NIT2: variants seen among roughly 807,000 people sequenced by gnomAD.
The protein encoded by NIT2 is omega-amidase NIT2.
NIT2 carries 46 observed loss-of-function variants against 42.7 expected under a neutral mutation model. That is an observed-to-expected ratio of 1.08 (90% CI 0.85 to 1.38). The LOEUF (loss-of-function observed/expected upper bound fraction) is 1.38. NIT2 is among the 40% of genes most tolerant of loss of function. The probability of loss-of-function intolerance (pLI) is 0.00; values close to 1 mark genes in which losing one functional copy is unlikely to be tolerated. For synonymous variants in NIT2, 123 were observed against 121.9 expected (o/e 1.01, Z -0.06); for missense variants, 309 against 342.5 (o/e 0.90, Z 0.77).
chr3:100,345,152 T>G (rs1706201116), intron 4 of NIT2, among the ~76,000 whole-genome samples: 1 of 151,864 alleles, frequency 6.6e-6, no homozygotes, highest in Non-Finnish European at 1.5e-5. Context: ...AGAGACAAGG[T>G]TTCACTACTT....
chr3:100,343,386 G>A (rs1392243085), intron 4 of NIT2, among the ~76,000 whole-genome samples: 2 of 151,450 alleles, frequency 1.3e-5, no homozygotes, highest in African/African-American at 4.8e-5. Context: ...TTCTGTTTTT[G>A]TCTTTCCAAT....
intron 6 of NIT2, among the ~76,000 whole-genome samples, chr3:100,347,925 CTG>C (rs1179769084): frequency 6.6e-6 from 1 of 151,740 alleles, no homozygotes; most frequent in Non-Finnish European, 1.5e-5. Flanking sequence ...GAGTCTCAAT[CTG>C]TTGCCCAGGC....
chr3:100,341,042 T>C, intron 3 of NIT2, 31 bp from the exon 4 acceptor site: 1 of 1,464,430 alleles, frequency 6.8e-7, no homozygotes, highest in Non-Finnish European at 9.6e-7. Flanking sequence ...CTATTCTTTT[T>C]CTTATGGTAT....
chr3:100,346,303 T>C, intron 6 of NIT2, 48 bp downstream of exon 6: 1 of 1,530,150 alleles, frequency 6.5e-7, no homozygotes, highest in Middle Eastern at 1.7e-4. Flanking sequence ...GAGGCTTGGT[T>C]CTAGGCTGGT....
At chr3:100,340,087 T>C (rs1706131797) in intron 3 of NIT2, 152 bp downstream of exon 3, 2 of 608,020 alleles carry the variant, frequency 3.3e-6, no homozygotes, top group Non-Finnish European at 2.7e-6. Flanking sequence ...TTTATTTTTT[T>C]TGAGGTGAGG....
At chr3:100,355,138 T>G (rs2148885423) in intron 9 of NIT2, 39 bp from the exon 10 acceptor site, 1 of 1,471,314 alleles carries the variant, frequency 6.8e-7, no homozygotes, top group South Asian at 1.1e-5. Context: ...TAGTGAGGAG[T>G]TGCAAATTAT....
intron 4 of NIT2, among the ~76,000 whole-genome samples, chr3:100,342,543 C>T (rs1706168199): frequency 6.8e-6 from 1 of 147,188 alleles, no homozygotes; most frequent in African/African-American, 2.5e-5. Context: ...CCAGTTGTTG[C>T]CCTGGGAATT....
intron 1 of NIT2, among the ~76,000 whole-genome samples, chr3:100,335,650 G>C (rs149998809): frequency 6.6e-6 from 1 of 152,346 alleles, no homozygotes; most frequent in African/African-American, 2.4e-5. Flanking sequence ...TTGTGGGTGA[G>C]ATGTGTAGGA....
At chr3:100,341,655 A>G (rs1706155861) in intron 4 of NIT2, among the ~76,000 whole-genome samples, 1 of 151,566 alleles carries the variant, frequency 6.6e-6, no homozygotes, top group Non-Finnish European at 1.5e-5. Flanking sequence ...GGCATGAGCC[A>G]CCGTGCCCAG....
At chr3:100,345,863 T>C (rs112091358) in intron 5 of NIT2, 185 bp downstream of exon 5, 21 of 608,726 alleles carry the variant, frequency 3.4e-5, no homozygotes, top group African/African-American at 2.0e-4. Flanking sequence ...TTTGACACGA[T>C]TTTGCCCTTT....
At chr3:100,346,928 G>A (rs1376785014) in intron 6 of NIT2, among the ~76,000 whole-genome samples, 1 of 151,936 alleles carries the variant, frequency 6.6e-6, no homozygotes, top group Non-Finnish European at 1.5e-5. Context: ...TCAGAAGGTG[G>A]AGGTGCATGG....
chr3:100,339,739 C>G (rs1444822362), intron 2 of NIT2, 76 bp from the exon 3 acceptor site: 1 of 1,430,156 alleles, frequency 7.0e-7, no homozygotes, highest in Non-Finnish European at 9.6e-7. Flanking sequence ...GAAGCAGCAG[C>G]TATGGCCTCT....
rs1421509083 is a variant in NIT2 at position 100,358,510 on chromosome 3, C to T, written c.*3242C>T. On this transcript the variant is annotated 3_prime_UTR_variant, in exon 10 of 10. Coordinates refer to ENST00000394140, the MANE Select transcript of NIT2 (RefSeq NM_020202.5). ...GGTAAGGCAACACATTTAATGAATTCACATTTAAGTGAATTCCTCACAGGG... is the reference window on the plus strand; with the variant it reads ...GGTAAGGCAACACATTTAATGAATTTACATTTAAGTGAATTCCTCACAGGG... 2 of 152,208 alleles carry T rather than the reference C, an allele frequency of 1.3e-5. No individual in the cohort carries two copies. Among genetic ancestry groups the T allele is most frequent in the African/African-American group, 4.8e-5 (2 of 41,450 alleles). 9.4% of individuals were successfully genotyped at this position (152,208 alleles called of 1,614,324 possible).
intron 1 of NIT2, among the ~76,000 whole-genome samples, chr3:100,337,929 G>A (rs537377918): frequency 2.6e-4 from 40 of 152,228 alleles, no homozygotes; most frequent in African/African-American, 8.9e-4. Flanking sequence ...AAATTAGCCC[G>A]GCATGGTGGT....
intron 4 of NIT2, 63 bp downstream of exon 4, chr3:100,341,224 A>T (rs1706146925): frequency 1.6e-6 from 2 of 1,252,382 alleles, no homozygotes; most frequent in Non-Finnish European, 1.2e-6. Context: ...TGTGGAAAAA[A>T]AATTTGCTAT....
At position 100,356,818 on chromosome 3, in the gene NIT2, T is replaced by A. The variant is rs1048558446; in HGVS notation, c.*1550T>A. On this transcript the variant is annotated 3_prime_UTR_variant, in exon 10 of 10. Transcript: ENST00000394140. ...CTTTGTCAATCACTGATAAATTTTA[T>A]TACTATAGATTAGCTTGCATTTTCT... 2.6e-5 allele frequency: 4 copies of A among 152,210 alleles called. No individual in the cohort carries two copies. Among genetic ancestry groups the A allele is most frequent in the Non-Finnish European group, 5.9e-5 (4 of 68,030 alleles). 9.4% of individuals were successfully genotyped at this position (152,210 alleles called of 1,614,324 possible).
chr3:100,354,904 C>T, intron 9 of NIT2, 77 bp downstream of exon 9: 1 of 1,277,486 alleles, frequency 7.8e-7, no homozygotes, highest in Admixed American at 1.9e-5. Context: ...CTGGGAAGTC[C>T]CTGTCATTTG....
chr3:100,351,840 A>G (rs1283073455), intron 7 of NIT2, among the ~76,000 whole-genome samples: 1 of 152,162 alleles, frequency 6.6e-6, no homozygotes, highest in African/African-American at 2.4e-5. Flanking sequence ...AATGGGAGAA[A>G]ATTTTCGCAA....
chr3:100,335,585 A>G (rs1706060049), intron 1 of NIT2, among the ~76,000 whole-genome samples: 1 of 152,116 alleles, frequency 6.6e-6, no homozygotes, highest in African/African-American at 2.4e-5. Flanking sequence ...ATGTCTGTAG[A>G]GTGGGTCATT....
Sources: gnomAD v4.1 joint callset for allele counts (sites outside exome capture counted in the v4.1 genomes callset) on GRCh38, gnomAD v4.1.1 for gene constraint, MANE v1.5 for transcripts, NCBI Gene and HGNC (gene_info 2026-07-23, HGNC 2026-07-21) for gene names.